The following DSCAML1 variants were observed in gnomAD, a reference collection of about 807,000 sequenced individuals.
The protein encoded by DSCAML1 is cell adhesion molecule DSCAML1.
Under a neutral mutation model 200.5 loss-of-function variants are expected in DSCAML1, and 38 were observed. The observed-to-expected ratio is 0.19, with a 90% confidence interval of 0.15 to 0.25. DSCAML1 has a LOEUF of 0.25. Among genes scored for constraint, DSCAML1 ranks in the 10% least tolerant of loss-of-function variants. The pLI is 1.00. For synonymous variants in DSCAML1, 1,215 were observed against 1,165.0 expected (o/e 1.04, Z -0.87); for missense variants, 2,223 against 2,858.8 (o/e 0.78, Z 5.07).
rs999858926 is a variant in DSCAML1 at position 117,428,681 on chromosome 11, A to G, written c.5809T>C (p.Tyr1937His). Residue 1937 changes from tyrosine (Y) to histidine (H), a missense_variant, in exon 33 of 33, where the codon TAC (tyrosine) becomes CAC (histidine). Tyr to His is a moderately conservative substitution (Grantham distance 83). Coordinates refer to ENST00000651296, the MANE Select transcript of DSCAML1 (RefSeq NM_020693.4). The stretch of plus-strand genomic sequence containing the variant: ...GTCAGGTGGCGAGCCTGGGTGTGGT[A>G]GGTTCGAGCCAGGTTCCGGATGGAG... ...EASIRNLART[Y>H]HTQARHLTLD... The G allele has an allele frequency of 2.5e-6, 4 of 1,612,658 alleles. No individual in the cohort carries two copies. In the African/African-American group the frequency reaches 5.3e-5, roughly 22 times the overall value.
intron 1 of DSCAML1, among the ~76,000 whole-genome samples, chr11:117,816,425 G>T (rs1314674107): frequency 6.6e-6 from 1 of 152,266 alleles, no homozygotes; most frequent in South Asian, 2.1e-4. Flanking sequence ...GCATTTGTCA[G>T]GCAGCCTGCT....
chr11:117,645,873 AC>A (rs1483858636), intron 3 of DSCAML1, among the ~76,000 whole-genome samples: 5 of 152,094 alleles, frequency 3.3e-5, no homozygotes, highest in African/African-American at 1.2e-4. Context: ...TACATTGTGC[AC>A]ATGTACCCTA....
At chr11:117,641,284 C>T (rs555950602) in intron 3 of DSCAML1, among the ~76,000 whole-genome samples, 3 of 152,240 alleles carry the variant, frequency 2.0e-5, no homozygotes, top group Non-Finnish European at 4.4e-5. Context: ...CCTCATCACT[C>T]ACAAGGCTGC....
chr11:117,457,185 A>C (rs1052141860), intron 19 of DSCAML1, among the ~76,000 whole-genome samples: 4 of 152,128 alleles, frequency 2.6e-5, no homozygotes, highest in African/African-American at 9.7e-5. Context: ...CGCCTTTTCC[A>C]TGCTGCGGCG....
chr11:117,640,931 G>A (rs1565844678), intron 3 of DSCAML1, among the ~76,000 whole-genome samples: 1 of 152,176 alleles, frequency 6.6e-6, no homozygotes, highest in Non-Finnish European at 1.5e-5. Context: ...ATATGTCCAT[G>A]AGCACATATG....
intron 3 of DSCAML1, among the ~76,000 whole-genome samples, chr11:117,536,150 TGTTA>T (rs1236758284): frequency 6.6e-6 from 1 of 152,044 alleles, no homozygotes; most frequent in Non-Finnish European, 1.5e-5. Flanking sequence ...AGGGGTATGA[TGTTA>T]GTCCCCTTGG....
In DSCAML1 at chr11:117,437,403, G is replaced by C; in HGVS notation, c.4439C>G (p.Ser1480Cys). Residue 1480 changes from serine to cysteine, a missense_variant, in exon 26 of 33, where the codon TCC becomes TGC. Ser to Cys is a moderately radical substitution (Grantham distance 112, BLOSUM62 -1). Coordinates refer to ENST00000651296, the MANE Select transcript of DSCAML1 (RefSeq NM_020693.4). This position sits in a 1 kb window ranked among gnomAD's most constrained non-coding sequence, Gnocchi z 5.3. ...GAAGAGGTGTTGGTCTTTGCTGAAG[G>C]AGGGCTCTGGCAGGCCGGAGGGAGA... ...IEAKTHGREP[S>C]FSKDQHLFTH... The C allele has an allele frequency of 6.2e-7, 1 of 1,611,290 alleles. No homozygotes were observed. The highest frequency in any genetic ancestry group is 8.5e-7 in the Non-Finnish European group (1 of 1,177,610).
At chr11:117,446,669 A>C (rs1276891565) in intron 20 of DSCAML1, among the ~76,000 whole-genome samples, 1 of 152,210 alleles carries the variant, frequency 6.6e-6, no homozygotes, top group African/African-American at 2.4e-5. Flanking sequence ...AAGCAGAACA[A>C]ATCAGAAAAC....
At chr11:117,674,170 A>G (rs1420459943) in intron 3 of DSCAML1, among the ~76,000 whole-genome samples, 2 of 152,174 alleles carry the variant, frequency 1.3e-5, no homozygotes, top group African/African-American at 4.8e-5. Context: ...GCATATTTTC[A>G]TAAGAATGCT....
chr11:117,752,299 G>A (rs929549405), intron 3 of DSCAML1, among the ~76,000 whole-genome samples: 1 of 152,178 alleles, frequency 6.6e-6, no homozygotes, highest in African/African-American at 2.4e-5. Context: ...GCCTAGGGGT[G>A]GAACGACAAT....
chr11:117,450,780 C>A, intron 19 of DSCAML1, 92 bp from the exon 20 acceptor site: 1 of 1,453,418 alleles, frequency 6.9e-7, no homozygotes, highest in Admixed American at 2.3e-5. Context: ...GCAGATCAAT[C>A]TGGGAGAGCT....
At chr11:117,647,464 T>C (rs1470483752) in intron 3 of DSCAML1, among the ~76,000 whole-genome samples, 1 of 152,180 alleles carries the variant, frequency 6.6e-6, no homozygotes, top group Non-Finnish European at 1.5e-5. Context: ...GGAGCGTATT[T>C]CTCAGAGTCA....
intron 4 of DSCAML1, among the ~76,000 whole-genome samples, chr11:117,527,447 G>A (rs1166015656): frequency 6.6e-6 from 1 of 152,170 alleles, no homozygotes; most frequent in East Asian, 1.9e-4. Flanking sequence ...AACCATAAAT[G>A]TCTAGGGAGG....
At chr11:117,502,760 C>T (rs1298303360) in intron 11 of DSCAML1, among the ~76,000 whole-genome samples, 1 of 152,198 alleles carries the variant, frequency 6.6e-6, no homozygotes, top group East Asian at 1.9e-4. Flanking sequence ...TCTTTGCTGG[C>T]CACTTACCAT....
Position 117,451,366 on chromosome 11 carries a change from C to T in DSCAML1, c.3569-678G>A, listed in dbSNP as rs372133524. ...CTCACACTCCCTATCCTCATCTCTC[C>T]ATTGTATGGTTGTGTACTTGTTTCC... On this transcript the variant is annotated intron_variant, in intron 19 of 32. Coordinates refer to ENST00000651296, the MANE Select transcript of DSCAML1 (RefSeq NM_020693.4). Among the ~76,000 whole-genome samples the T allele has an allele frequency of 1.4e-4, 22 of 152,344 alleles. No homozygotes were observed. In the East Asian group the frequency reaches 2.5e-3, roughly 17 times the overall value.
chr11:117,563,545 G>T (rs1200089157), intron 3 of DSCAML1, among the ~76,000 whole-genome samples: 1 of 152,144 alleles, frequency 6.6e-6, no homozygotes, highest in Non-Finnish European at 1.5e-5. Context: ...GGAATCACAC[G>T]TTCACCTGTC....
chr11:117,467,141 G>A (rs1015366254), intron 16 of DSCAML1, among the ~76,000 whole-genome samples: 2 of 148,434 alleles, frequency 1.3e-5, no homozygotes, highest in Non-Finnish European at 2.9e-5. Flanking sequence ...TCCCAGGCTC[G>A]AACCCTGATA....
rs2053203388 is a variant in DSCAML1, at chr11:117,675,915, C to T, written c.511+100876G>A. On this transcript the variant is annotated intron_variant, in intron 3 of 32. Coordinates refer to ENST00000651296, the MANE Select transcript of DSCAML1 (RefSeq NM_020693.4). ...ATGGCTCCCACTCCTGATTAGGATTCTCTCTCCATACTGAGTGGTCCCCAC... is the reference window on the plus strand; with the variant it reads ...ATGGCTCCCACTCCTGATTAGGATTTTCTCTCCATACTGAGTGGTCCCCAC... 2.0e-5 allele frequency among the ~76,000 whole-genome samples: 3 copies of T among 152,264 alleles called. No homozygotes were observed. In the South Asian group the frequency reaches 6.2e-4, roughly 32 times the overall value.
At chr11:117,756,880 C>T (rs1353576911) in intron 3 of DSCAML1, among the ~76,000 whole-genome samples, 1 of 152,142 alleles carries the variant, frequency 6.6e-6, no homozygotes, top group East Asian at 1.9e-4. Context: ...AGCGGTGGCT[C>T]CCTGGATGAA....
Sources: gnomAD v4.1 joint callset for allele counts (sites outside exome capture counted in the v4.1 genomes callset) on GRCh38, gnomAD v4.1.1 for gene constraint, Gnocchi (gnomAD v3.1) non-coding constraint, MANE v1.5 for transcripts, NCBI Gene and HGNC (gene_info 2026-07-23, HGNC 2026-07-21) for gene names.